BACH2: variants seen among roughly 807,000 people sequenced by gnomAD.
BACH2 encodes transcription regulator protein BACH2.
In BACH2, 5 loss-of-function variants were observed where a neutral mutation model predicts 61.8. The observed-to-expected ratio is 0.08, with a 90% CI of 0.04 to 0.17. BACH2 has a LOEUF of 0.17. BACH2 is among the 10% of genes least tolerant of loss of function. The pLI is 1.00. For synonymous variants in BACH2, 446 were observed against 440.1 expected, an observed-to-expected ratio of 1.01 and a Z score of -0.17; for missense variants, 824 against 1,091.1, an observed-to-expected ratio of 0.76 and a Z score of 3.45.
rs193026471 is a variant in BACH2, at chr6:89,965,973, G to A, written c.244-14111C>T. On this transcript the variant is annotated intron_variant, in intron 6 of 8. Transcript: ENST00000257749. ...ATAAATAGGGACAAGCTGAAGACAT[G>A]TAGGTAGTTAATATACTTGAAAGGC... 6.3e-4 allele frequency among the ~76,000 whole-genome samples: 96 copies of A among 152,290 alleles called. 1 individual carries two copies. Among genetic ancestry groups the A allele is most frequent in the Middle Eastern group, 6.8e-3 (2 of 294 alleles).
intron 5 of BACH2, among the ~76,000 whole-genome samples, chr6:90,043,187 T>C (rs906498794): frequency 2.6e-5 from 4 of 152,210 alleles, no homozygotes; most frequent in Non-Finnish European, 5.9e-5. Context: ...AGTTCATCTA[T>C]CCAAGCTCAC....
chr6:90,213,615 A>C (rs891067517), intron 3 of BACH2, among the ~76,000 whole-genome samples: 1 of 152,202 alleles, frequency 6.6e-6, no homozygotes, highest in South Asian at 2.1e-4. Context: ...GCTCTCTCTC[A>C]GTCTCTGTTC....
chr6:90,058,146 T>C (rs928201553), intron 5 of BACH2, among the ~76,000 whole-genome samples: 2 of 152,158 alleles, frequency 1.3e-5, no homozygotes, highest in Non-Finnish European at 2.9e-5. Flanking sequence ...GAGAAGGAAA[T>C]AAAGGGTATT....
At chr6:90,033,284 C>T (rs1779099738) in intron 5 of BACH2, among the ~76,000 whole-genome samples, 1 of 150,836 alleles carries the variant, frequency 6.6e-6, no homozygotes, top group African/African-American at 2.4e-5. Context: ...ATGCAGCACA[C>T]CAACATGGCA....
intron 4 of BACH2, among the ~76,000 whole-genome samples, chr6:90,151,718 G>A (rs1784818713): frequency 6.6e-6 from 1 of 152,182 alleles, no homozygotes; most frequent in African/African-American, 2.4e-5. Flanking sequence ...AGACACAGTG[G>A]ACACCAACAG....
intron 5 of BACH2, among the ~76,000 whole-genome samples, chr6:90,034,425 T>G (rs776120140): frequency 6.6e-6 from 1 of 152,082 alleles, no homozygotes; most frequent in Non-Finnish European, 1.5e-5. Context: ...CTCAGCACAC[T>G]GTACATTTTC....
chr6:90,003,545 G>A (rs1777245405), intron 6 of BACH2, among the ~76,000 whole-genome samples: 1 of 152,158 alleles, frequency 6.6e-6, no homozygotes. Context: ...ATGTGAGCTA[G>A]GTTCGCCTAG....
chr6:90,141,987 C>T lies in BACH2; in HGVS notation c.-161-52878G>A, dbSNP rs569203421. Reference sequence around the variant, plus strand: ...TCCCAGCTATTTGGTGGCTGAGGTACGAGAATCACTTGAACCCATGAGGTC... The same window carrying T: ...TCCCAGCTATTTGGTGGCTGAGGTATGAGAATCACTTGAACCCATGAGGTC... On this transcript the variant is annotated intron_variant, in intron 4 of 8. Coordinates refer to ENST00000257749, the MANE Select transcript of BACH2 (RefSeq NM_021813.4). 1.2e-4 allele frequency among the ~76,000 whole-genome samples: 18 copies of T among 152,246 alleles called. No individual in the cohort carries two copies. The South Asian group carries it at 3.5e-3, about 30-fold the overall frequency.
intron 1 of BACH2, among the ~76,000 whole-genome samples, chr6:90,295,399 G>A (rs527382791): frequency 9.9e-5 from 15 of 152,246 alleles, no homozygotes; most frequent in African/African-American, 3.4e-4. Flanking sequence ...CTCACGGTCC[G>A]AGTTCCTGCA....
intron 4 of BACH2, among the ~76,000 whole-genome samples, chr6:90,159,178 C>T (rs1785100750): frequency 6.6e-6 from 1 of 152,288 alleles, no homozygotes; most frequent in South Asian, 2.1e-4. Flanking sequence ...AGAATCGTTT[C>T]CCTACTGGGA....
At chr6:90,181,335 G>C (rs1372190987) in intron 4 of BACH2, among the ~76,000 whole-genome samples, 2 of 151,886 alleles carry the variant, frequency 1.3e-5, no homozygotes, top group African/African-American at 4.8e-5. Flanking sequence ...TGTGGTGTGT[G>C]TGTGTGTGTG....
At chr6:89,937,537 CA>C (rs1773101068) in intron 8 of BACH2, among the ~76,000 whole-genome samples, 2 of 152,068 alleles carry the variant, frequency 1.3e-5, no homozygotes, top group Admixed American at 1.3e-4. Context: ...GTTATTTATT[CA>C]TTTTTTTTTG....
chr6:90,247,245 TC>T lies in BACH2; in HGVS notation c.-275+5267del, dbSNP rs1298997812. 3.8e-3 allele frequency among the ~76,000 whole-genome samples: 573 copies of T among 151,392 alleles called. 4 individuals are homozygous for T. Among genetic ancestry groups the T allele is most frequent in the African/African-American group, 0.013 (520 of 41,262 alleles). ...CAAGTATCAATTTCTTTCTTCTTCT[TC>T]TTTTTTTTTTTTTTGTAGAGATGGT... On this transcript the variant is annotated intron_variant, in intron 3 of 8. Coordinates refer to ENST00000257749, the MANE Select transcript of BACH2 (RefSeq NM_021813.4).
intron 4 of BACH2, among the ~76,000 whole-genome samples, chr6:90,152,403 C>T (rs1784856097): frequency 6.6e-6 from 1 of 152,132 alleles, no homozygotes; most frequent in Non-Finnish European, 1.5e-5. Context: ...ATGCCAACTG[C>T]ATATTTTAGT....
intron 5 of BACH2, among the ~76,000 whole-genome samples, chr6:90,049,086 A>C (rs952625332): frequency 2.6e-5 from 4 of 152,166 alleles, no homozygotes; most frequent in African/African-American, 9.7e-5. Flanking sequence ...TCTGATGAGA[A>C]ATGATGAAAA....
intron 8 of BACH2, among the ~76,000 whole-genome samples, chr6:89,935,273 G>T (rs1239099272): frequency 6.6e-6 from 1 of 152,118 alleles, no homozygotes; most frequent in East Asian, 1.9e-4. Context: ...TGTCTCCTTA[G>T]GGAAAAAACT....
At chr6:90,093,334 G>A (rs1782250058) in intron 4 of BACH2, among the ~76,000 whole-genome samples, 1 of 151,966 alleles carries the variant, frequency 6.6e-6, no homozygotes, top group African/African-American at 2.4e-5. Context: ...GGCTCTTTTT[G>A]GTATTATGAG....
At chr6:89,937,369 A>C (rs970458792) in intron 8 of BACH2, among the ~76,000 whole-genome samples, 5 of 152,186 alleles carry the variant, frequency 3.3e-5, no homozygotes, top group African/African-American at 9.7e-5. Flanking sequence ...AGTTCTACCA[A>C]GTACTGGGAA....
intron 4 of BACH2, among the ~76,000 whole-genome samples, chr6:90,203,565 C>T (rs1769032435): frequency 6.6e-6 from 1 of 151,974 alleles, no homozygotes; most frequent in Admixed American, 6.6e-5. Context: ...AAAATATGTG[C>T]CCCACAATTT....
Sources: gnomAD v4.1 joint callset for allele counts (sites outside exome capture counted in the v4.1 genomes callset) on GRCh38, gnomAD v4.1.1 for gene constraint, MANE v1.5 for transcripts, NCBI Gene and HGNC (gene_info 2026-07-23, HGNC 2026-07-21) for gene names.